The following GDA variants were observed in gnomAD, a reference collection of about 807,000 sequenced individuals.
GDA encodes cytoplasmic PSD-95 interactor.
A neutral mutation model predicts 59.6 loss-of-function variants in GDA; 18 were observed. That is an observed-to-expected ratio of 0.30 (90% CI 0.21 to 0.45). The LOEUF is 0.45. Ranked by LOEUF, GDA falls within the 20% of genes least tolerant of loss-of-function variation. The pLI is 1.00. For missense variants in GDA, 427 were observed against 552.3 expected (o/e 0.77, Z 2.27); for synonymous variants, 201 against 201.1 (o/e 1.00, Z 0.00).
chr9:72,194,535 G>A (rs147180786), intron 1 of GDA, among the ~76,000 whole-genome samples: 1 of 152,106 alleles, frequency 6.6e-6, no homozygotes, highest in Admixed American at 6.5e-5. Flanking sequence ...CGAGTGGAAG[G>A]AAGGAGTCTC....
chr9:72,225,098 A>G (rs1260188244), intron 7 of GDA, among the ~76,000 whole-genome samples: 1 of 152,126 alleles, frequency 6.6e-6, no homozygotes, highest in Non-Finnish European at 1.5e-5. Flanking sequence ...CCTGGCCAAC[A>G]TGGTGAAACC....
intron 12 of GDA, among the ~76,000 whole-genome samples, chr9:72,246,792 A>G (rs1268836738): frequency 1.3e-5 from 2 of 152,106 alleles, no homozygotes; most frequent in Admixed American, 6.5e-5. Context: ...TGACCCCCTC[A>G]TTATTTTCAT....
intron 1 of GDA, among the ~76,000 whole-genome samples, chr9:72,193,360 G>A (rs1832781397): frequency 6.6e-6 from 1 of 152,254 alleles, no homozygotes; most frequent in Non-Finnish European, 1.5e-5. Context: ...CAGTAATAGT[G>A]TGGTTCTTGC....
At position 72,202,407 on chromosome 9, in the gene GDA, T is replaced by A. The variant is rs113132522; in HGVS notation, c.213-164T>A. The stretch of plus-strand genomic sequence containing the variant: ...CTCCTAGCAGAGCTTCATTTTTATG[T>A]CCTGACCTCTAAATAATTGGAGAAT... On this transcript the variant is annotated intron_variant, in intron 2 of 13. Coordinates refer to ENST00000358399, the MANE Select transcript of GDA (RefSeq NM_004293.5). 5.5e-3 allele frequency among the ~76,000 whole-genome samples: 831 copies of A among 152,342 alleles called. 4 individuals carry two copies. Among genetic ancestry groups the A allele is most frequent in the Non-Finnish European group, 8.7e-3 (590 of 68,036 alleles).
rs772758487 is a variant in GDA, at chr9:72,231,100, TC to T, written c.921-12del. On this transcript the variant is annotated splice_polypyrimidine_tract_variant and intron_variant, in intron 9 of 13. Transcript: ENST00000358399. ...ACATGGATCTCCTTGTTCTGACATC[TC>T]CTCTCTCTACAGGCTCAGCAGTGGA... is the stretch of plus-strand genomic sequence containing the variant. The T allele has an allele frequency of 6.7e-7, 1 of 1,491,360 alleles. No homozygotes were observed. The highest frequency in any genetic ancestry group is 9.4e-7 in the Non-Finnish European group (1 of 1,068,054). 92.4% of individuals were successfully genotyped at this position (1,491,360 alleles called of 1,614,324 possible). A position where few individuals can be genotyped will look rare whatever the true frequency, so the allele number is the denominator to read the frequency against.
At chr9:72,210,318 A>G (rs1835196837) in intron 3 of GDA, among the ~76,000 whole-genome samples, 1 of 152,236 alleles carries the variant, frequency 6.6e-6, no homozygotes, top group Non-Finnish European at 1.5e-5. Context: ...AGGTTGAGCT[A>G]AAGTCTGGCT....
At chr9:72,212,151 G>A (rs188744656) in intron 4 of GDA, among the ~76,000 whole-genome samples, 8 of 152,252 alleles carry the variant, frequency 5.3e-5, no homozygotes, top group South Asian at 4.1e-4. Context: ...GTAAGACTGC[G>A]TAAAATTCCT....
intron 1 of GDA, among the ~76,000 whole-genome samples, chr9:72,120,524 G>A (rs1238983649): frequency 6.6e-6 from 1 of 152,132 alleles, no homozygotes. Flanking sequence ...TAAGAAAAAT[G>A]GCATTTGTCA....
Position 72,213,871 on chromosome 9 carries a change from G to T in GDA, c.473-15G>T. The T allele has an allele frequency of 7.3e-7, 1 of 1,361,626 alleles. No individual in the cohort carries two copies. The highest frequency in any genetic ancestry group is 1.7e-5 in the Admixed American group (1 of 59,128). 84.3% of individuals were successfully genotyped at this position (1,361,626 alleles called of 1,614,324 possible). The stretch of plus-strand genomic sequence containing the variant: ...ACAAACATGCCTTCATATTCTTTTT[G>T]TGTATACTTTACAGATAAATTTGGA... On this transcript the variant is annotated splice_polypyrimidine_tract_variant and intron_variant, in intron 4 of 13. Coordinates refer to ENST00000358399, the MANE Select transcript of GDA (RefSeq NM_004293.5).
chr9:72,251,062 C>A lies in GDA; in HGVS notation c.*2720C>A. 2.1e-6 allele frequency: 1 copy of A among 485,908 alleles called. No individual in the cohort carries two copies. Among genetic ancestry groups the A allele is most frequent in the South Asian group, 2.5e-5 (1 of 39,736 alleles). 30.1% of individuals were successfully genotyped at this position (485,908 alleles called of 1,614,324 possible). On this transcript the variant is annotated 3_prime_UTR_variant, in exon 14 of 14. Coordinates refer to ENST00000358399, the MANE Select transcript of GDA (RefSeq NM_004293.5). ...GTTCTCTCATTGAATTATCAGACCC[C>A]AAGAGGAGATATTGGAACAGGCTCC...
intron 1 of GDA, among the ~76,000 whole-genome samples, chr9:72,125,976 C>T (rs977243782): frequency 4.2e-4 from 64 of 151,960 alleles, no homozygotes; most frequent in African/African-American, 1.5e-3. Context: ...GAGTGCAGTG[C>T]CATGATCTCG....
rs1282753315 is a variant in GDA at position 72,149,520 on chromosome 9, C to T, written c.-40C>T. 1.2e-6 allele frequency: 2 copies of T among 1,604,158 alleles called. No homozygotes were observed. The highest frequency in any genetic ancestry group is 1.7e-5 in the Admixed American group (1 of 59,754). Reference sequence around the variant, plus strand: ...CCGCTGCGTCTCCGCCGCGTGCGCCCTCCTCGACCAGCAGACCCGCGCTGC... The same window carrying T: ...CCGCTGCGTCTCCGCCGCGTGCGCCTTCCTCGACCAGCAGACCCGCGCTGC... On this transcript the variant is annotated 5_prime_UTR_variant, in exon 1 of 14. Transcript: ENST00000358399.
At chr9:72,178,048 T>C (rs1202702379) in intron 1 of GDA, among the ~76,000 whole-genome samples, 1 of 152,192 alleles carries the variant, frequency 6.6e-6, no homozygotes, top group East Asian at 1.9e-4. Flanking sequence ...AAATGCCACA[T>C]GGGTTTACTG....
At chr9:72,255,315 A>G (rs1005509845), downstream of GDA, among the ~76,000 whole-genome samples, 1 of 152,154 alleles carries the variant, frequency 6.6e-6, no homozygotes, top group African/African-American at 2.4e-5. Context: ...AGCTTTTGTA[A>G]ATTGTCATGG....
intron 1 of GDA, among the ~76,000 whole-genome samples, chr9:72,189,693 T>C (rs1329244992): frequency 1.3e-5 from 2 of 152,060 alleles, no homozygotes; most frequent in African/African-American, 4.8e-5. Flanking sequence ...ATACAAAAGT[T>C]AGCCAGGCGT....
intron 1 of GDA, among the ~76,000 whole-genome samples, chr9:72,174,744 T>TTATATA (rs146059487): frequency 9.4e-5 from 14 of 149,474 alleles, no homozygotes; most frequent in Non-Finnish European, 1.9e-4. Context: ...ACTGTTGAGG[T>TTATATA]TATATATATA....
downstream of GDA, among the ~76,000 whole-genome samples, chr9:72,259,376 G>A (rs10781091): frequency 0.25 from 38,209 of 152,016 alleles, 5,547 homozygotes; most frequent in East Asian, 0.57. Flanking sequence ...GTCTTTCTAC[G>A]ATGTGGCTCC....
At chr9:72,245,373 A>C in intron 12 of GDA, 95 bp downstream of exon 12, 1 of 865,192 alleles carries the variant, frequency 1.2e-6, no homozygotes, top group Non-Finnish European at 1.9e-6. Flanking sequence ...AAACTTTTTA[A>C]TGGAATGCAG....
At chr9:72,202,797 A>T in intron 3 of GDA, 55 bp downstream of exon 3, 1 of 1,316,490 alleles carries the variant, frequency 7.6e-7, no homozygotes, top group Non-Finnish European at 1.1e-6. Flanking sequence ...TAGAAATATC[A>T]GTTTCCTAGG....
Sources: allele counts gnomAD v4.1 joint callset (sites outside exome capture counted in the v4.1 genomes callset), GRCh38; gene constraint gnomAD v4.1.1; transcripts MANE v1.5; gene names NCBI Gene and HGNC (gene_info 2026-07-23, HGNC 2026-07-21).